The following LRRC7 variants were observed in gnomAD, a reference collection of about 807,000 sequenced individuals.
LRRC7 encodes leucine-rich repeat-containing protein 7.
Under a neutral mutation model 175.7 loss-of-function variants are expected in LRRC7, and 23 were observed. The observed-to-expected ratio is 0.13, with a 90% CI of 0.09 to 0.19. The LOEUF (loss-of-function observed/expected upper bound fraction) is 0.19, where lower values mean the gene tolerates loss of function less well. LRRC7 is among the 10% of genes least tolerant of loss of function. LRRC7 has a pLI of 1.00. For missense variants in LRRC7, 1,354 were observed against 1,904.7 expected, an observed-to-expected ratio of 0.71 and a Z score of 5.38; for synonymous variants, 685 against 680.9, an observed-to-expected ratio of 1.01 and a Z score of -0.09.
intron 25 of LRRC7, among the ~76,000 whole-genome samples, chr1:70,106,227 G>A (rs1665136264): frequency 6.6e-6 from 1 of 152,078 alleles, no homozygotes; most frequent in Non-Finnish European, 1.5e-5. Context: ...TCAGAGTTGT[G>A]CAACCATCAT....
intron 6 of LRRC7, among the ~76,000 whole-genome samples, chr1:69,837,068 C>T (rs780134827): frequency 1.3e-5 from 2 of 151,774 alleles, no homozygotes; most frequent in Admixed American, 1.3e-4. Flanking sequence ...ACAGGAATAA[C>T]AATAGTGTGT....
At chr1:69,899,775 T>C (rs1646082268) in intron 7 of LRRC7, among the ~76,000 whole-genome samples, 1 of 152,166 alleles carries the variant, frequency 6.6e-6, no homozygotes, top group Non-Finnish European at 1.5e-5. Flanking sequence ...TTAAGCTGTT[T>C]TAAAAGCGGC....
At chr1:70,107,351 A>G (rs543446067) in intron 25 of LRRC7, among the ~76,000 whole-genome samples, 1 of 152,342 alleles carries the variant, frequency 6.6e-6, no homozygotes, top group South Asian at 2.1e-4. Context: ...AACCTATCAA[A>G]TAGAGATACT....
chr1:69,658,690 A>G (rs1405095168), intron 1 of LRRC7, among the ~76,000 whole-genome samples: 1 of 152,088 alleles, frequency 6.6e-6, no homozygotes, highest in Admixed American at 6.6e-5. Context: ...CAAAGAAACA[A>G]GAAACCATAA....
chr1:70,087,701 TTAAAA>T (rs745370330), intron 24 of LRRC7, among the ~76,000 whole-genome samples: 4 of 152,210 alleles, frequency 2.6e-5, no homozygotes, highest in South Asian at 4.1e-4. Flanking sequence ...TTAAACATCT[TTAAAA>T]TAAAATAAGG....
chr1:69,636,233 G>C (rs762527961), intron 1 of LRRC7, among the ~76,000 whole-genome samples: 7 of 151,852 alleles, frequency 4.6e-5, no homozygotes, highest in Non-Finnish European at 1.0e-4. Context: ...ATTCAGTTCC[G>C]TTCAATTCTA....
chr1:69,677,732 T>C (rs1009492811), intron 1 of LRRC7, among the ~76,000 whole-genome samples: 7 of 152,266 alleles, frequency 4.6e-5, no homozygotes, highest in South Asian at 2.1e-4. Context: ...AAATAATTAC[T>C]CTTTAGTCGA....
intron 8 of LRRC7, among the ~76,000 whole-genome samples, chr1:69,947,609 C>T (rs1649472440): frequency 6.6e-6 from 1 of 151,814 alleles, no homozygotes; most frequent in South Asian, 2.1e-4. Flanking sequence ...ATATATCTAT[C>T]AACTTATTTT....
intron 7 of LRRC7, among the ~76,000 whole-genome samples, chr1:69,853,869 G>A (rs1273101661): frequency 2.6e-5 from 4 of 152,100 alleles, no homozygotes; most frequent in Non-Finnish European, 5.9e-5. Flanking sequence ...ATAATGATTA[G>A]CATTCAATAT....
chr1:70,025,837 G>T (rs568060113), intron 17 of LRRC7, among the ~76,000 whole-genome samples: 5 of 144,534 alleles, frequency 3.5e-5, no homozygotes, highest in African/African-American at 1.2e-4. Flanking sequence ...TTTAAGGGGG[G>T]GGGGGTCCTC....
intron 11 of LRRC7, among the ~76,000 whole-genome samples, chr1:69,996,756 A>G (rs1226540603): frequency 2.0e-5 from 3 of 151,940 alleles, no homozygotes; most frequent in Non-Finnish European, 2.9e-5. Flanking sequence ...CCGTTGATCT[A>G]TATCTCTGTT....
intron 1 of LRRC7, among the ~76,000 whole-genome samples, chr1:69,661,088 G>A (rs529642433): frequency 6.6e-6 from 1 of 151,922 alleles, no homozygotes; most frequent in Admixed American, 6.6e-5. Flanking sequence ...GAAATGCCAG[G>A]TTCAGAGTTT....
At chr1:70,038,063 A>G (rs201352828) in intron 20 of LRRC7, 50 bp from the exon 21 acceptor site, 1 of 1,534,784 alleles carries the variant, frequency 6.5e-7, no homozygotes, top group East Asian at 2.3e-5. Context: ...TTTCTGCCAA[A>G]GACCCAACTC....
intron 7 of LRRC7, among the ~76,000 whole-genome samples, chr1:69,854,287 C>G (rs1161677257): frequency 1.3e-5 from 2 of 152,044 alleles, no homozygotes; most frequent in East Asian, 3.9e-4. Flanking sequence ...CACTTCAGGT[C>G]AGGAGTTTGA....
At chr1:70,013,643 G>T (rs1656719748) in intron 13 of LRRC7, among the ~76,000 whole-genome samples, 1 of 151,664 alleles carries the variant, frequency 6.6e-6, no homozygotes. Context: ...TTGATAGATG[G>T]GTAAAAAGAA....
intron 7 of LRRC7, 85 bp from the exon 8 acceptor site, chr1:69,931,422 A>G: frequency 9.4e-7 from 1 of 1,059,212 alleles, no homozygotes; most frequent in Non-Finnish European, 1.4e-6. Flanking sequence ...AATCAGGTAA[A>G]TCTGACAGGA....
At chr1:69,709,867 T>G (rs531359890) in intron 2 of LRRC7, among the ~76,000 whole-genome samples, 2 of 152,306 alleles carry the variant, frequency 1.3e-5, no homozygotes, top group South Asian at 4.1e-4. Flanking sequence ...TTTTTAAGTT[T>G]ATTTCTTATG....
chr1:69,754,943 A>T (rs565735472), intron 2 of LRRC7, among the ~76,000 whole-genome samples: 9 of 152,026 alleles, frequency 5.9e-5, no homozygotes, highest in Admixed American at 1.3e-4. Context: ...AAAGGGTACA[A>T]TTAGAAGGGT....
chr1:70,074,030 G>A (rs1662587617), intron 23 of LRRC7, among the ~76,000 whole-genome samples: 1 of 152,100 alleles, frequency 6.6e-6, no homozygotes, highest in East Asian at 1.9e-4. Flanking sequence ...GTGAAACCCT[G>A]TCTCTACTAA....
Sources: gnomAD v4.1 joint callset for allele counts (sites outside exome capture counted in the v4.1 genomes callset) on GRCh38, gnomAD v4.1.1 for gene constraint, MANE v1.5 for transcripts, NCBI Gene and HGNC (gene_info 2026-07-23, HGNC 2026-07-21) for gene names.